MYLK: variants seen among roughly 807,000 people sequenced by gnomAD.
MYLK encodes myosin light chain kinase, smooth muscle.
Under a neutral mutation model 203.4 loss-of-function variants are expected in MYLK, and 106 were observed. The observed-to-expected ratio is 0.52, with a 90% CI of 0.45 to 0.61. The LOEUF (loss-of-function observed/expected upper bound fraction) is 0.61. Ranked by LOEUF, MYLK falls within the 20% of genes least tolerant of loss-of-function variation. The pLI is 0.00. For synonymous variants in MYLK, 867 were observed against 959.5 expected, an observed-to-expected ratio of 0.90 and a Z score of 1.78; for missense variants, 2,072 against 2,442.3, an observed-to-expected ratio of 0.85 and a Z score of 3.20.
intron 20 of MYLK, among the ~76,000 whole-genome samples, chr3:123,668,787 C>G (rs2059821004): frequency 6.6e-6 from 1 of 152,194 alleles, no homozygotes; most frequent in South Asian, 2.1e-4. Flanking sequence ...GGTCCTCCCA[C>G]CCCATAGCAC....
intron 3 of MYLK, among the ~76,000 whole-genome samples, chr3:123,800,582 A>C (rs1419982689): frequency 1.3e-5 from 2 of 152,158 alleles, no homozygotes; most frequent in Non-Finnish European, 2.9e-5. Context: ...GGAGAGCTTC[A>C]GGAATGATCC....
intron 29 of MYLK, 122 bp downstream of exon 29, chr3:123,637,949 T>TGG: frequency 1.4e-6 from 2 of 1,448,638 alleles, no homozygotes; most frequent in South Asian, 1.2e-5. Context: ...CTCCTGACTC[T>TGG]GGGGGGGGCT....
intron 11 of MYLK, among the ~76,000 whole-genome samples, chr3:123,727,682 G>A (rs2062337046): frequency 6.6e-6 from 1 of 152,190 alleles, no homozygotes; most frequent in South Asian, 2.1e-4. Flanking sequence ...GAGGGATAGA[G>A]TAGGAGCTGC....
chr3:123,759,522 G>T (rs945319763), intron 4 of MYLK, among the ~76,000 whole-genome samples: 1 of 152,232 alleles, frequency 6.6e-6, no homozygotes, highest in Non-Finnish European at 1.5e-5. Context: ...TCTCCTGCCT[G>T]CCAGTGTAAG....
At chr3:123,803,791 G>A (rs984369110) in intron 3 of MYLK, among the ~76,000 whole-genome samples, 1 of 152,192 alleles carries the variant, frequency 6.6e-6, no homozygotes, top group Non-Finnish European at 1.5e-5. Context: ...GTGAGACAGC[G>A]GCACAGGCTA....
At chr3:123,876,182 G>T (rs1038216427) in intron 2 of MYLK, among the ~76,000 whole-genome samples, 1 of 151,606 alleles carries the variant, frequency 6.6e-6, no homozygotes, top group Non-Finnish European at 1.5e-5. Context: ...AGTCACTGGG[G>T]TATTTTTTTT....
chr3:123,614,245 T>C lies in MYLK; in HGVS notation c.5605A>G (p.Ile1869Val), dbSNP rs552874701. The change falls in exon 34 of 34, where the codon ATT becomes GTT. Residue 1869 changes from isoleucine to valine, a missense_variant. Ile to Val is a conservative substitution (Grantham distance 29). Transcript: ENST00000360304. ...YDEDGNCSLI[I>V]SDVCGDDDAK... ...TCGTCATCCCCGCAAACATCACTAA[T>C]AATTAAAGAGCAGTTCCCGTCCTCA... 6 of 1,614,100 alleles carry C rather than the reference T, an allele frequency of 3.7e-6. No homozygotes were observed. In the African/African-American group the frequency reaches 5.3e-5, roughly 14 times the overall value.
chr3:123,743,463 T>C (rs147809115), intron 5 of MYLK, among the ~76,000 whole-genome samples: 2 of 152,154 alleles, frequency 1.3e-5, no homozygotes, highest in East Asian at 1.9e-4. Context: ...ATAGGAAAAA[T>C]TTGAAGTTGC....
chr3:123,709,041 A>G (rs1293566747), intron 14 of MYLK, 146 bp from the exon 15 acceptor site: 7 of 679,792 alleles, frequency 1.0e-5, no homozygotes, highest in Non-Finnish European at 1.8e-5. Context: ...TAGGAATTCA[A>G]ACAGGATCTA....
intron 2 of MYLK, among the ~76,000 whole-genome samples, chr3:123,845,474 T>A (rs1403392672): frequency 6.6e-6 from 1 of 152,108 alleles, no homozygotes; most frequent in Non-Finnish European, 1.5e-5. Context: ...CATGAGCACC[T>A]TTTGGGTTTT....
At chr3:123,793,498 G>C (rs957078970) in intron 4 of MYLK, among the ~76,000 whole-genome samples, 179 bp downstream of exon 4, 1 of 152,176 alleles carries the variant, frequency 6.6e-6, no homozygotes, top group African/African-American at 2.4e-5. Context: ...CTCCAGCACA[G>C]ACCAAAGCCC....
At chr3:123,741,064 C>A (rs2062840917) in intron 5 of MYLK, among the ~76,000 whole-genome samples, 1 of 152,206 alleles carries the variant, frequency 6.6e-6, no homozygotes, top group African/African-American at 2.4e-5. Context: ...TTGCCGCAAG[C>A]TGGGGATGTT....
rs778478874 is a variant in MYLK, at chr3:123,700,496, A to G, written c.2972T>C (p.Leu991Ser). Residue 991 changes from leucine (L) to serine (S), a missense_variant, in exon 18 of 34, where the codon TTA becomes TCA. Coordinates refer to ENST00000360304, the MANE Select transcript of MYLK (RefSeq NM_053025.4). ...ACTGCTGCTGCCATTCTCTGCTGGT[A>G]ATTTCTTCTTGCCACCCAGCACTGA... ...FRSVLGGKKK[L>S]PAENGSSSAE... 1 of 1,607,594 alleles carries G rather than the reference A, an allele frequency of 6.2e-7. No individual in the cohort carries two copies. Among genetic ancestry groups the G allele is most frequent in the South Asian group, 1.1e-5 (1 of 90,652 alleles).
chr3:123,668,320 C>T (rs2059804822), intron 20 of MYLK, among the ~76,000 whole-genome samples: 2 of 152,124 alleles, frequency 1.3e-5, no homozygotes, highest in South Asian at 2.1e-4. Flanking sequence ...ACTTTGATGC[C>T]ACCAATAAAA....
intron 2 of MYLK, among the ~76,000 whole-genome samples, chr3:123,838,014 A>G (rs935456116): frequency 4.6e-5 from 7 of 152,228 alleles, no homozygotes; most frequent in African/African-American, 1.7e-4. Flanking sequence ...TACTTACATA[A>G]TAATTAAGCA....
At chr3:123,622,310 T>A (rs561427110) in intron 31 of MYLK, 1 of 152,406 alleles carries the variant, frequency 6.6e-6, no homozygotes, top group South Asian at 2.1e-4. Context: ...CTGGGAGACC[T>A]TGTGCAAGTC....
intron 2 of MYLK, among the ~76,000 whole-genome samples, chr3:123,868,051 C>T (rs1265121596): frequency 6.6e-6 from 1 of 152,200 alleles, no homozygotes; most frequent in Admixed American, 6.5e-5. Context: ...TCCAACCAGT[C>T]TAGGATCTGT....
At chr3:123,656,447 A>T (rs576417547) in intron 24 of MYLK, among the ~76,000 whole-genome samples, 6 of 152,330 alleles carry the variant, frequency 3.9e-5, no homozygotes, top group Admixed American at 1.3e-4. Context: ...TGCCTTGGCC[A>T]CACACGAGCA....
intron 31 of MYLK, chr3:123,623,588 A>G (rs1468080846): frequency 1.3e-5 from 2 of 152,156 alleles, no homozygotes; most frequent in Non-Finnish European, 2.9e-5. Context: ...CCACACCAGA[A>G]TAACAAGAAG....
Sources: allele counts gnomAD v4.1 joint callset (sites outside exome capture counted in the v4.1 genomes callset), GRCh38; gene constraint gnomAD v4.1.1; transcripts MANE v1.5; gene names NCBI Gene and HGNC (gene_info 2026-07-23, HGNC 2026-07-21).